The following UXS1 variants were observed in gnomAD, a reference collection of about 807,000 sequenced individuals.
UXS1 encodes the protein UDP-glucuronic acid decarboxylase 1.
In UXS1, 33 loss-of-function variants were observed where a neutral mutation model predicts 62.6. That is an observed-to-expected ratio of 0.53 (90% confidence interval 0.40 to 0.70). The LOEUF is 0.70. UXS1 is among the 30% of genes least tolerant of loss of function. UXS1 has a pLI of 0.00. For missense variants in UXS1, 434 were observed against 556.3 expected (o/e 0.78, Z 2.21); for synonymous variants, 213 against 206.8 (o/e 1.03, Z -0.26).
intron 6 of UXS1, among the ~76,000 whole-genome samples, chr2:106,143,374 A>C (rs1257358340): frequency 3.2e-5 from 4 of 124,010 alleles, no homozygotes; most frequent in Admixed American, 1.1e-4. Context: ...GTGCCACTGC[A>C]CTCCAGCCTG....
At chr2:106,130,125 GA>G (rs576877386) in intron 6 of UXS1, among the ~76,000 whole-genome samples, 90 of 151,762 alleles carry the variant, frequency 5.9e-4, no homozygotes, top group Non-Finnish European at 8.8e-4. Flanking sequence ...AATTAATCAT[GA>G]ATTTTTTTTT....
rs1329208020 is a variant in UXS1, at chr2:106,164,757, T to C, written c.165A>G (p.Lys55=). ...TAACCTCTTCAATCTTGCTTTCAAT[T>C]TTTAGTTCACCATTTTCCTGGATAG... is the stretch of plus-strand genomic sequence containing the variant. ...NRSIQENGEL[K]IESKIEEMVE... The change falls in exon 3 of 15, where the codon AAA becomes AAG. Residue 55 remains lysine, a synonymous_variant. Transcript: ENST00000283148. 1 of 1,589,458 alleles carries C rather than the reference T, an allele frequency of 6.3e-7. No individual in the cohort carries two copies. Among genetic ancestry groups the C allele is most frequent in the South Asian group, 1.1e-5 (1 of 86,968 alleles).
intron 9 of UXS1, among the ~76,000 whole-genome samples, chr2:106,119,859 G>T (rs1679382941): frequency 6.6e-6 from 1 of 152,134 alleles, no homozygotes; most frequent in Non-Finnish European, 1.5e-5. Flanking sequence ...TTATATAGTG[G>T]TGTTTGTTTT....
At chr2:106,111,354 T>C (rs555465783) in intron 10 of UXS1, among the ~76,000 whole-genome samples, 47 of 152,158 alleles carry the variant, frequency 3.1e-4, no homozygotes, top group Non-Finnish European at 6.3e-4. Context: ...AGAGCTGGCA[T>C]GGGCTGTTGG....
intron 14 of UXS1, among the ~76,000 whole-genome samples, chr2:106,095,355 TG>T (rs1676989931): frequency 6.6e-6 from 1 of 152,240 alleles, no homozygotes; most frequent in African/African-American, 2.4e-5. Flanking sequence ...TGGGTGTAAT[TG>T]TATTTTTATT....
chr2:106,129,869 A>G, intron 6 of UXS1, 91 bp from the exon 7 acceptor site: 1 of 688,350 alleles, frequency 1.5e-6, no homozygotes, highest in Non-Finnish European at 2.3e-6. Flanking sequence ...TAAACGTATT[A>G]GTATATCTTT....
intron 14 of UXS1, 128 bp from the exon 15 acceptor site, chr2:106,094,285 C>G: frequency 9.3e-7 from 1 of 1,071,992 alleles, no homozygotes; most frequent in Non-Finnish European, 1.3e-6. Context: ...CAGAGGAACA[C>G]TCACAGAACC....
chr2:106,175,136 AC>A (rs1424388305), intron 1 of UXS1, among the ~76,000 whole-genome samples: 1 of 152,144 alleles, frequency 6.6e-6, no homozygotes, highest in Non-Finnish European at 1.5e-5. Flanking sequence ...GCGATTTCCA[AC>A]CTTCCAGTGC....
Position 106,093,953 on chromosome 2 carries a change from G to T in UXS1, c.*73C>A. The T allele has an allele frequency of 4.1e-6, 6 of 1,461,848 alleles. No individual in the cohort carries two copies. In the South Asian group the frequency reaches 6.2e-5, roughly 15 times the overall value. The allele number at this position is 1,461,848 out of a possible 1,614,324, so 90.6% of individuals were successfully genotyped here. On this transcript the variant is annotated 3_prime_UTR_variant, in exon 15 of 15. Transcript: ENST00000283148. ...CACCTGTTAAAGTCTTTCTTTAAAC[G>T]ACAACAAAAAAAAGCCAAAAATACA...
chr2:106,095,274 C>CA (rs1676983264), intron 14 of UXS1, among the ~76,000 whole-genome samples: 1 of 152,066 alleles, frequency 6.6e-6, no homozygotes, highest in Admixed American at 6.5e-5. Flanking sequence ...TACAAAGCTT[C>CA]AAAAAAACAA....
intron 1 of UXS1, among the ~76,000 whole-genome samples, chr2:106,181,274 C>G (rs752951483): frequency 1.3e-4 from 20 of 152,194 alleles, no homozygotes; most frequent in Non-Finnish European, 2.4e-4. Flanking sequence ...TGGCTCAGGG[C>G]GGGGCTCTGG....
rs752040991 is a variant in UXS1, at chr2:106,112,638, G to A, written c.879+8C>T. ...CAAGGTGCTCCCTGAGCCGAGGCCA[G>A]CACCTACCGTGAGTGGCTCCCCCTG... is the stretch of plus-strand genomic sequence containing the variant. On this transcript the variant is annotated splice_region_variant and intron_variant, in intron 10 of 14. Transcript: ENST00000283148. The A allele has an allele frequency of 1.2e-6, 2 of 1,613,750 alleles. No individual in the cohort carries two copies. The highest frequency in any genetic ancestry group is 1.7e-6 in the Non-Finnish European group (2 of 1,179,816).
intron 4 of UXS1, among the ~76,000 whole-genome samples, chr2:106,163,125 G>A (rs970005775): frequency 2.0e-5 from 3 of 152,206 alleles, no homozygotes; most frequent in Non-Finnish European, 4.4e-5. Flanking sequence ...GAGGGCAATA[G>A]TGTCCCAAAG....
chr2:106,153,543 TAAATA>T (rs1010818789), intron 5 of UXS1, among the ~76,000 whole-genome samples: 2 of 150,978 alleles, frequency 1.3e-5, no homozygotes, highest in Admixed American at 6.6e-5. Flanking sequence ...AATAAATAAA[TAAATA>T]AAATAAAACA....
At chr2:106,188,545 G>A (rs1406978073) in intron 1 of UXS1, among the ~76,000 whole-genome samples, 1 of 152,198 alleles carries the variant, frequency 6.6e-6, no homozygotes, top group Non-Finnish European at 1.5e-5. Context: ...TGACAGAGGA[G>A]CCCAGATCCC....
In UXS1 at chr2:106,145,247, C is replaced by T. The variant is rs781027560; in HGVS notation, c.415G>A (p.Gly139Arg). Residue 139 changes from glycine to arginine, a missense_variant, in exon 6 of 15, where the codon GGA (glycine) becomes AGA (arginine). Physicochemically the swap from Gly to Arg is moderately radical, Grantham distance 125 (BLOSUM62 -2). Around this residue, in one of 3 missense-constraint regions of UXS1, gnomAD observed 134 missense variants for 251.9 expected, o/e 0.53. Coordinates refer to ENST00000283148, the MANE Select transcript of UXS1 (RefSeq NM_001253875.2). ...GRKRNVEHWIGHENFELINHD... is the reference protein window; with the variant it reads ...GRKRNVEHWIRHENFELINHD... ...TTAATCAACTCGAAGTTCTCATGTC[C>T]GATCCAGTGCTCCACGTTTCTCTTC... 3 of 1,613,952 alleles carry T rather than the reference C, an allele frequency of 1.9e-6. No homozygotes were observed. The highest frequency in any genetic ancestry group is 1.1e-5 in the South Asian group (1 of 91,072).
At chr2:106,130,465 G>A (rs901832342) in intron 6 of UXS1, among the ~76,000 whole-genome samples, 4 of 152,158 alleles carry the variant, frequency 2.6e-5, no homozygotes, top group African/African-American at 9.7e-5. Flanking sequence ...CACACACACA[G>A]GAGGAATGCC....
intron 2 of UXS1, 42 bp downstream of exon 2, chr2:106,166,014 A>G (rs760912035): frequency 1.3e-6 from 2 of 1,592,000 alleles, no homozygotes; most frequent in Non-Finnish European, 1.7e-6. Flanking sequence ...AAATGTGTCT[A>G]TAAAATCCAA....
At chr2:106,158,870 G>A (rs1682668650) in intron 4 of UXS1, among the ~76,000 whole-genome samples, 1 of 152,180 alleles carries the variant, frequency 6.6e-6, no homozygotes. Flanking sequence ...CGGTATTTGA[G>A]GTATCTTTCA....
Sources: gnomAD v4.1 joint callset for allele counts (sites outside exome capture counted in the v4.1 genomes callset) on GRCh38, gnomAD v4.1.1 for gene constraint, gnomAD v4.1.1 regional missense constraint, MANE v1.5 for transcripts, NCBI Gene and HGNC (gene_info 2026-07-23, HGNC 2026-07-21) for gene names.